KMT2B: variants seen among roughly 807,000 people sequenced by gnomAD.
KMT2B encodes lysine methyltransferase 2B.
A neutral mutation model predicts 255.3 loss-of-function variants in KMT2B; 22 were observed. The observed-to-expected ratio is 0.09, with a 90% CI of 0.06 to 0.12. The LOEUF (loss-of-function observed/expected upper bound fraction) is 0.12, where lower values mean the gene tolerates loss of function less well. Ranked by LOEUF, KMT2B falls within the 10% of genes least tolerant of loss-of-function variation. KMT2B has a pLI of 1.00. For synonymous variants in KMT2B, 1,730 were observed against 1,498.1 expected (o/e 1.15, Z -3.57); for missense variants, 3,149 against 3,737.0 (o/e 0.84, Z 4.10).
rs761557704 is a variant in KMT2B, at chr19:35,723,100, G to A, written c.2828G>A (p.Gly943Glu). 4 of 1,613,216 alleles carry A rather than the reference G, an allele frequency of 2.5e-6. No individual in the cohort carries two copies. The East Asian group carries it at 6.7e-5, about 27-fold the overall frequency. Reference sequence around the variant, plus strand: ...GAATCAGAGCCCACAGGTTCTGGAGGGACCCTGGCCCACACACCCCGGCGC... The same window carrying A: ...GAATCAGAGCCCACAGGTTCTGGAGAGACCCTGGCCCACACACCCCGGCGC... ...GGESEPTGSG[G>E]TLAHTPRRSL... Residue 943 changes from glycine to glutamate, a missense_variant, in exon 6 of 37, where the codon GGG becomes GAG. Coordinates refer to ENST00000420124, the MANE Select transcript of KMT2B (RefSeq NM_014727.3). The surrounding 1 kb of genome is among the most constrained non-coding windows in gnomAD (Gnocchi z 7.5).
In KMT2B at chr19:35,737,299, G is replaced by A. The variant is rs375812709; in HGVS notation, c.7550+36G>A. ...TGGGGTGTGATGCCTGGGTCAGGGC[G>A]CCCCTATGAGAGCTCTTGAGGGTGG... On this transcript the variant is annotated intron_variant, in intron 33 of 36. Coordinates refer to ENST00000420124, the MANE Select transcript of KMT2B (RefSeq NM_014727.3). This position sits in a 1 kb window ranked among gnomAD's most constrained non-coding sequence, Gnocchi z 5.3. 3.0e-5 allele frequency: 44 copies of A among 1,459,490 alleles called. No individual in the cohort carries two copies. The highest frequency in any genetic ancestry group is 2.4e-4 in the Middle Eastern group (1 of 4,178). 90.4% of individuals were successfully genotyped at this position (1,459,490 alleles called of 1,614,324 possible). A position where few individuals can be genotyped will look rare whatever the true frequency, so the allele number is the denominator to read the frequency against.
At position 35,720,560 on chromosome 19, in the gene KMT2B, C is replaced by A; in HGVS notation, c.1213C>A (p.Pro405Thr). 6.5e-7 allele frequency: 1 copy of A among 1,544,804 alleles called. No individual in the cohort carries two copies. Among genetic ancestry groups the A allele is most frequent in the Non-Finnish European group, 8.7e-7 (1 of 1,143,976 alleles). Reference sequence around the variant, plus strand: ...GGAAGAGGCAAAGCTGCCACCACCGCCTCTGACTCCTCCAGCCCCTTCACC... The same window carrying A: ...GGAAGAGGCAAAGCTGCCACCACCGACTCTGACTCCTCCAGCCCCTTCACC... Reference protein sequence around the residue: ...EKEEAKLPPPPLTPPAPSPPP... With the variant: ...EKEEAKLPPPTLTPPAPSPPP... The change falls in exon 3 of 37, where the codon CCT becomes ACT. Residue 405 changes from proline to threonine, a missense_variant. This residue lies in a region of KMT2B where 1,188 missense variants were observed against 1,106.4 expected (regional missense o/e 1.07). Coordinates refer to ENST00000420124, the MANE Select transcript of KMT2B (RefSeq NM_014727.3).
chr19:35,733,344 C>T lies in KMT2B; in HGVS notation c.6795C>T (p.Ser2265=), dbSNP rs916035123. ...CCCCTCCCCTGACGCTGGTGCTGAGCAGTGGGCCAGCCAGCCCGCCCCGCC... is the reference window on the plus strand; with the variant it reads ...CCCCTCCCCTGACGCTGGTGCTGAGTAGTGGGCCAGCCAGCCCGCCCCGCC... ...PPPPPLTLVL[S]SGPASPPRQA... The change falls in exon 28 of 37, where the codon AGC becomes AGT. Residue 2265 remains serine (S), a synonymous_variant. Transcript: ENST00000420124. This position sits in a 1 kb window ranked among gnomAD's most constrained non-coding sequence, Gnocchi z 4.3. The T allele has an allele frequency of 4.0e-6, 6 of 1,499,524 alleles. No homozygotes were observed. The highest frequency in any genetic ancestry group is 1.4e-5 in the African/African-American group (1 of 71,138). 92.9% of individuals were successfully genotyped at this position (1,499,524 alleles called of 1,614,324 possible).
At position 35,723,049 on chromosome 19, in the gene KMT2B, A is replaced by C. The variant is rs377686118; in HGVS notation, c.2777A>C (p.Lys926Thr). ...GTCCCGTCACGGTCCCGGCGGGGAA[A>C]GGTGGAGGCAGCAGGCCCTGGGGGA... ...ESVPSRSRRG[K>T]VEAAGPGGES... Residue 926 changes from lysine (K) to threonine (T), a missense_variant, in exon 6 of 37, where the codon AAG becomes ACG. This residue lies in a region of KMT2B where 132 missense variants were observed against 174.7 expected (regional missense o/e 0.76). Coordinates refer to ENST00000420124, the MANE Select transcript of KMT2B (RefSeq NM_014727.3). This position sits in a 1 kb window ranked among gnomAD's most constrained non-coding sequence, Gnocchi z 7.5. 6 of 1,611,952 alleles carry C rather than the reference A, an allele frequency of 3.7e-6. No homozygotes were observed. Among genetic ancestry groups the C allele is most frequent in the Non-Finnish European group, 4.2e-6 (5 of 1,179,018 alleles).
Position 35,732,888 on chromosome 19 carries a change from T to C in KMT2B, c.6339T>C (p.Ile2113=), listed in dbSNP as rs369549803. The change falls in exon 28 of 37, where the codon ATT becomes ATC. Residue 2113 remains isoleucine (I), a synonymous_variant. Coordinates refer to ENST00000420124, the MANE Select transcript of KMT2B (RefSeq NM_014727.3). ...ARPPEDLPSE[I]VDFVLKNLGG... is the part of the protein sequence containing the mutation. ...CTCCTGAGGACCTGCCATCGGAAAT[T>C]GTGGATTTTGTGTTGAAGAACCTAG... 1.7e-4 allele frequency: 268 copies of C among 1,610,168 alleles called. No individual in the cohort carries two copies. The highest frequency in any genetic ancestry group is 2.1e-4 in the Non-Finnish European group (252 of 1,178,878).
rs867499379 is a variant in KMT2B, at chr19:35,737,915, C to T, written c.7715C>T (p.Thr2572Met). ...ATGCGTTTTCGTCACCTTAAGAAGA[C>T]GTCCAAAGAAGCTGTGGGTGTCTAC... ...MAMRFRHLKK[T>M]SKEAVGVYRS... The change falls in exon 35 of 37, where the codon ACG becomes ATG. Residue 2572 changes from threonine to methionine, a missense_variant. This residue lies in a region of KMT2B where 56 missense variants were observed against 238.8 expected (regional missense o/e 0.23). Coordinates refer to ENST00000420124, the MANE Select transcript of KMT2B (RefSeq NM_014727.3). The surrounding 1 kb of genome is among the most constrained non-coding windows in gnomAD (Gnocchi z 5.3). 1.9e-6 allele frequency: 3 copies of T among 1,594,056 alleles called. No individual in the cohort carries two copies. The highest frequency in any genetic ancestry group is 2.6e-6 in the Non-Finnish European group (3 of 1,169,470).
Position 35,733,963 on chromosome 19 carries a change from G to T in KMT2B, c.7159+91G>T. The stretch of plus-strand genomic sequence containing the variant: ...CAAAATCAGCCCTCTTTCAAAACCA[G>T]TATCTACTCCCAGGGGCCAAGCCTG... On this transcript the variant is annotated intron_variant, in intron 30 of 36. Coordinates refer to ENST00000420124, the MANE Select transcript of KMT2B (RefSeq NM_014727.3). The surrounding 1 kb of genome is among the most constrained non-coding windows in gnomAD (Gnocchi z 4.3). 1.1e-6 allele frequency: 1 copy of T among 889,684 alleles called. No individual in the cohort carries two copies. Among genetic ancestry groups the T allele is most frequent in the Non-Finnish European group, 1.8e-6 (1 of 559,582 alleles). The allele number at this position is 889,684 out of a possible 1,614,324, so 55.1% of individuals were successfully genotyped here.
Position 35,723,886 on chromosome 19 carries a change from G to A in KMT2B, c.3213G>A (p.Leu1071=). The A allele has an allele frequency of 1.2e-6, 2 of 1,611,018 alleles. No individual in the cohort carries two copies. Among genetic ancestry groups the A allele is most frequent in the Non-Finnish European group, 1.7e-6 (2 of 1,179,100 alleles). ...GGCCCGAGGAGCAGGACTCCCTCCT[G>A]CAGCGCAAGTCAGCTCGGCGCTGCG... ...HPGPEEQDSL[L]QRKSARRCVK... The change falls in exon 8 of 37, where the codon CTG becomes CTA. Residue 1071 remains leucine (L), a synonymous_variant. Transcript: ENST00000420124. The surrounding 1 kb of genome is among the most constrained non-coding windows in gnomAD (Gnocchi z 7.5).
chr19:35,726,103 T>G, intron 13 of KMT2B, 133 bp from the exon 14 acceptor site: 1 of 706,006 alleles, frequency 1.4e-6, no homozygotes, highest in Non-Finnish European at 2.6e-6. Context: ...GTGTCTGTCC[T>G]GCGTGTTTTC....
At chr19:35,724,357 A>G (rs1969343210) in intron 8 of KMT2B, among the ~76,000 whole-genome samples, 1 of 152,102 alleles carries the variant, frequency 6.6e-6, no homozygotes, top group Non-Finnish European at 1.5e-5. Context: ...AGTTAGTTGT[A>G]TGTGGTGGCA....
In KMT2B at chr19:35,721,774, G is replaced by C. The variant is rs1018604774; in HGVS notation, c.2427G>C (p.Gln809His). 3 of 1,598,724 alleles carry C rather than the reference G, an allele frequency of 1.9e-6. No homozygotes were observed. In the African/African-American group the frequency reaches 4.0e-5, roughly 21 times the overall value. Residue 809 changes from glutamine (Q) to histidine (H), a missense_variant, in exon 3 of 37, where the codon CAG becomes CAC. Around this residue, in one of 18 missense-constraint regions of KMT2B, gnomAD observed 1,188 missense variants for 1,106.4 expected, o/e 1.07. Coordinates refer to ENST00000420124, the MANE Select transcript of KMT2B (RefSeq NM_014727.3). ...AKVQLFKIDQ[Q>H]QQQKVAASMP... ...TGCAGCTATTCAAGATCGATCAGCA[G>C]CAGCAGCAGAAGGTGGCAGCTTCCA...
rs781246380 is a variant in KMT2B at position 35,724,739 on chromosome 19, C to T, written c.3429+8C>T. 20 of 1,570,888 alleles carry T rather than the reference C, an allele frequency of 1.3e-5. No homozygotes were observed. Among genetic ancestry groups the T allele is most frequent in the Middle Eastern group, 1.7e-4 (1 of 5,944 alleles). ...CGAAGGCGCCTGGACAAGGTCAGCACGGCCCGCTCCGAGAGCCCCTTCCCT... is the reference window on the plus strand; with the variant it reads ...CGAAGGCGCCTGGACAAGGTCAGCATGGCCCGCTCCGAGAGCCCCTTCCCT... On this transcript the variant is annotated splice_region_variant and intron_variant, in intron 9 of 36. Coordinates refer to ENST00000420124, the MANE Select transcript of KMT2B (RefSeq NM_014727.3).
chr19:35,721,231 C>A lies in KMT2B; in HGVS notation c.1884C>A (p.Pro628=). The change falls in exon 3 of 37, where the codon CCC becomes CCA. Residue 628 remains proline, a synonymous_variant. Coordinates refer to ENST00000420124, the MANE Select transcript of KMT2B (RefSeq NM_014727.3). ...CTCCTCCCCCAGCCCCTCCACCTCCCCCGGCCCCCTCCCCACCCCCTGCTC... is the reference window on the plus strand; with the variant it reads ...CTCCTCCCCCAGCCCCTCCACCTCCACCGGCCCCCTCCCCACCCCCTGCTC... ...LPPPPPAPPP[P]PAPSPPPAPA... 6.9e-7 allele frequency: 1 copy of A among 1,456,792 alleles called. No homozygotes were observed. Among genetic ancestry groups the A allele is most frequent in the Non-Finnish European group, 9.3e-7 (1 of 1,076,140 alleles). 90.2% of individuals were successfully genotyped at this position (1,456,792 alleles called of 1,614,324 possible). A position where few individuals can be genotyped will look rare whatever the true frequency, so the allele number is the denominator to read the frequency against.
rs1276828743 is a variant in KMT2B at position 35,725,448 on chromosome 19, C to T, written c.3643-31C>T. On this transcript the variant is annotated intron_variant, in intron 11 of 36. Transcript: ENST00000420124. This position sits in a 1 kb window ranked among gnomAD's most constrained non-coding sequence, Gnocchi z 4.1. ...CTTGGCCCTCTGGCCTCATGCTATG[C>T]CCATCATTCACTCCTTTACCCTGTC... is the stretch of plus-strand genomic sequence containing the variant. 3 of 1,606,842 alleles carry T rather than the reference C, an allele frequency of 1.9e-6. No individual in the cohort carries two copies. The highest frequency in any genetic ancestry group is 2.2e-5 in the South Asian group (2 of 91,018).
In KMT2B at chr19:35,727,794, G is replaced by T. The variant is rs762904408; in HGVS notation, c.4392+7G>T. The T allele has an allele frequency of 1.2e-6, 2 of 1,613,496 alleles. No homozygotes were observed. The highest frequency in any genetic ancestry group is 1.7e-6 in the Non-Finnish European group (2 of 1,179,652). On this transcript the variant is annotated splice_region_variant and intron_variant, in intron 17 of 36. Transcript: ENST00000420124. This position sits in a 1 kb window ranked among gnomAD's most constrained non-coding sequence, Gnocchi z 4.2. Reference sequence around the variant, plus strand: ...TGGCCACTACAAGTCTGTGGTGAGTGGTACACCAGGAGGAGCAGGTGGGTG... The same window carrying T: ...TGGCCACTACAAGTCTGTGGTGAGTTGTACACCAGGAGGAGCAGGTGGGTG...
chr19:35,736,405 G>A, intron 30 of KMT2B: 1 of 412,192 alleles, frequency 2.4e-6, no homozygotes, highest in Non-Finnish European at 4.4e-6. Context: ...GGGTTTGAGT[G>A]AGCCATAGGC....
chr19:35,731,066 G>A (rs1969670917), intron 26 of KMT2B, among the ~76,000 whole-genome samples, 199 bp downstream of exon 26: 2 of 152,264 alleles, frequency 1.3e-5, no homozygotes, highest in African/African-American at 4.8e-5. Context: ...GAGGTGGGGA[G>A]AGCGGCACGC....
chr19:35,729,933 T>G, intron 22 of KMT2B, 34 bp from the exon 23 acceptor site: 1 of 1,597,788 alleles, frequency 6.3e-7, no homozygotes, highest in Non-Finnish European at 8.5e-7. Context: ...GCCCCAGCCC[T>G]GGCTTCTCCC....
In KMT2B at chr19:35,737,751, G is replaced by A. The variant is rs1475960466; in HGVS notation, c.7658+8G>A. ...GCAGCTCAGGTCAACCAGGTATGGA[G>A]TGTGAGCTGGGGGGCGGGTGGTGGT... On this transcript the variant is annotated splice_region_variant and intron_variant, in intron 34 of 36. Transcript: ENST00000420124. This position sits in a 1 kb window ranked among gnomAD's most constrained non-coding sequence, Gnocchi z 5.3. The A allele has an allele frequency of 1.9e-6, 3 of 1,567,894 alleles. No homozygotes were observed. The highest frequency in any genetic ancestry group is 1.7e-6 in the Non-Finnish European group (2 of 1,155,446).
Sources: allele counts gnomAD v4.1 joint callset (sites outside exome capture counted in the v4.1 genomes callset), GRCh38; gene constraint gnomAD v4.1.1; regional missense constraint gnomAD v4.1.1; non-coding constraint Gnocchi (gnomAD v3.1); transcripts MANE v1.5; gene names NCBI Gene and HGNC (gene_info 2026-07-23, HGNC 2026-07-21).